Variants in MALRD1 observed in about 807,000 individuals in gnomAD.
The protein encoded by MALRD1 is MAM and LDL receptor class A domain containing 1, also known as MAM and LDL-receptor class A domain-containing protein 1.
Under a neutral mutation model 242.1 loss-of-function variants are expected in MALRD1, and 247 were observed. The observed-to-expected ratio is 1.02, with a 90% CI of 0.92 to 1.13. The LOEUF (loss-of-function observed/expected upper bound fraction) is 1.13, where lower values mean the gene tolerates loss of function less well. Ranked by LOEUF, MALRD1 falls within the 50% of genes most tolerant of loss-of-function variation. MALRD1 has a pLI of 0.00. For synonymous variants in MALRD1, 995 were observed against 866.6 expected (o/e 1.15, Z -2.60); for missense variants, 2,989 against 2,533.1 (o/e 1.18, Z -3.86).
intron 31 of MALRD1, among the ~76,000 whole-genome samples, chr10:19,508,923 A>T (rs977111424): frequency 6.6e-6 from 1 of 152,188 alleles, no homozygotes; most frequent in Non-Finnish European, 1.5e-5. Flanking sequence ...AACTTTGAAG[A>T]TGAGTAGTCT....
chr10:19,280,269 A>G, intron 20 of MALRD1, 46 bp downstream of exon 20: 1 of 1,380,760 alleles, frequency 7.2e-7, no homozygotes, highest in Non-Finnish European at 9.5e-7. Flanking sequence ...ACAAAATAGA[A>G]AATGCAAGTG....
chr10:19,461,495 G>A (rs191335165), intron 29 of MALRD1, among the ~76,000 whole-genome samples: 58 of 152,258 alleles, frequency 3.8e-4, no homozygotes, highest in Middle Eastern at 6.8e-3. Context: ...AAAGGTACAA[G>A]GAATCACATC....
intron 38 of MALRD1, among the ~76,000 whole-genome samples, chr10:19,727,705 G>GA (rs906398821): frequency 4.0e-5 from 6 of 149,360 alleles, no homozygotes; most frequent in African/African-American, 7.4e-5. Flanking sequence ...TTCATTGGGG[G>GA]AAAAAAAATC....
intron 38 of MALRD1, among the ~76,000 whole-genome samples, chr10:19,707,740 G>A (rs1200067548): frequency 8.6e-6 from 1 of 116,134 alleles, no homozygotes; most frequent in East Asian, 2.6e-4. Flanking sequence ...CTTTAGGCCT[G>A]GAGTTCAAGA....
At chr10:19,074,287 T>C (rs1422508097) in intron 2 of MALRD1, among the ~76,000 whole-genome samples, 1 of 152,078 alleles carries the variant, frequency 6.6e-6, no homozygotes, top group Admixed American at 6.6e-5. Flanking sequence ...GGTTGAGGAA[T>C]AGTGTAAGGA....
intron 18 of MALRD1, among the ~76,000 whole-genome samples, chr10:19,257,165 G>A (rs1214693365): frequency 1.3e-5 from 2 of 152,060 alleles, no homozygotes; most frequent in African/African-American, 2.4e-5. Flanking sequence ...ATCTAATCAC[G>A]ATTAGCCAAT....
intron 38 of MALRD1, among the ~76,000 whole-genome samples, chr10:19,706,200 G>A (rs1482212924): frequency 6.6e-6 from 1 of 152,190 alleles, no homozygotes; most frequent in Non-Finnish European, 1.5e-5. Flanking sequence ...CAAAAACGAT[G>A]AACACAGCTA....
chr10:19,070,183 A>G (rs564392863), intron 2 of MALRD1, among the ~76,000 whole-genome samples: 201 of 152,242 alleles, frequency 1.3e-3, no homozygotes, highest in Non-Finnish European at 2.3e-3. Flanking sequence ...TGCTCCTCAA[A>G]TTATAATAGG....
At chr10:19,442,434 A>G (rs746313349) in intron 28 of MALRD1, among the ~76,000 whole-genome samples, 4 of 152,198 alleles carry the variant, frequency 2.6e-5, no homozygotes, top group African/African-American at 9.7e-5. Flanking sequence ...TTGCTCATTC[A>G]GTATGATATT....
intron 1 of MALRD1, 106 bp from the exon 2 acceptor site, chr10:19,066,613 T>C: frequency 1.2e-6 from 1 of 842,442 alleles, no homozygotes. Flanking sequence ...ATAATCTTTA[T>C]GTTGACTTAT....
chr10:19,483,707 A>T (rs1837117275), intron 29 of MALRD1, among the ~76,000 whole-genome samples: 1 of 152,210 alleles, frequency 6.6e-6, no homozygotes, highest in African/African-American at 2.4e-5. Context: ...GCCACTGTAG[A>T]AAGCAGTTTG....
chr10:19,348,089 A>C, intron 25 of MALRD1, 71 bp downstream of exon 25: 1 of 1,483,574 alleles, frequency 6.7e-7, no homozygotes, highest in Non-Finnish European at 9.0e-7. Flanking sequence ...AAATTGACAT[A>C]CGGAAAACAG....
rs926582338 is a variant in MALRD1, at chr10:19,175,346, G to T, written c.1951+18G>T. ...AAGCAAGTGTAAGTTTTTCCTTGTC[G>T]TTGTTGCTGTTTTAAACATTGAATT... On this transcript the variant is annotated intron_variant, in intron 14 of 39. Transcript: ENST00000454679. 6.7e-5 allele frequency: 82 copies of T among 1,226,486 alleles called. No individual in the cohort carries two copies. The highest frequency in any genetic ancestry group is 8.1e-5 in the Non-Finnish European group (80 of 984,872). The allele number at this position is 1,226,486 out of a possible 1,614,324, so 76.0% of individuals were successfully genotyped here.
intron 36 of MALRD1, among the ~76,000 whole-genome samples, chr10:19,636,020 C>T (rs1174878844): frequency 2.0e-5 from 3 of 151,970 alleles, no homozygotes; most frequent in African/African-American, 7.2e-5. Context: ...CCTGCCTCAG[C>T]CTTCCCAGTA....
chr10:19,583,124 C>T (rs1484573734), intron 33 of MALRD1, among the ~76,000 whole-genome samples: 1 of 111,074 alleles, frequency 9.0e-6, no homozygotes, highest in Non-Finnish European at 1.8e-5. Flanking sequence ...AGATTTTGGG[C>T]TGAGACGATG....
chr10:19,677,497 A>G (rs1842183881), intron 36 of MALRD1, among the ~76,000 whole-genome samples: 1 of 152,136 alleles, frequency 6.6e-6, no homozygotes, highest in Non-Finnish European at 1.5e-5. Context: ...TCCTTTGCCC[A>G]CTTTTTAATG....
At chr10:19,436,201 A>G (rs1260079443) in intron 28 of MALRD1, among the ~76,000 whole-genome samples, 2 of 152,182 alleles carry the variant, frequency 1.3e-5, no homozygotes, top group Non-Finnish European at 2.9e-5. Flanking sequence ...GAATAATACT[A>G]GAAGCGACAA....
intron 26 of MALRD1, among the ~76,000 whole-genome samples, chr10:19,374,596 GCA>G (rs763047985): frequency 6.6e-6 from 1 of 152,034 alleles, no homozygotes; most frequent in African/African-American, 2.4e-5. Flanking sequence ...TCGCCCATGT[GCA>G]CACACACATA....
In MALRD1 at chr10:19,521,030, G is replaced by A. The variant is rs576931198; in HGVS notation, c.5321-10164G>A. ...TGATGCTTGCTTGCTTGCGTTTTTT[G>A]TTTGTGTCAAAGGTATTATCTGTGA... On this transcript the variant is annotated intron_variant, in intron 31 of 39. Transcript: ENST00000454679. 2.6e-5 allele frequency among the ~76,000 whole-genome samples: 4 copies of A among 152,112 alleles called. No homozygotes were observed. In the East Asian group the frequency reaches 7.7e-4, roughly 29 times the overall value.
Sources: allele counts gnomAD v4.1 joint callset (sites outside exome capture counted in the v4.1 genomes callset), GRCh38; gene constraint gnomAD v4.1.1; transcripts MANE v1.5; gene names NCBI Gene and HGNC (gene_info 2026-07-23, HGNC 2026-07-21).